PALM2AKAP2: variants seen among roughly 807,000 people sequenced by gnomAD.
The protein encoded by PALM2AKAP2 is PALM2-AKAP2 fusion protein.
In PALM2AKAP2, 37 loss-of-function variants were observed where a neutral mutation model predicts 71.5. That is an observed-to-expected ratio of 0.52 (90% CI 0.40 to 0.68). The LOEUF (loss-of-function observed/expected upper bound fraction) is 0.68. Among genes scored for constraint, PALM2AKAP2 ranks in the 30% least tolerant of loss-of-function variants. The probability of loss-of-function intolerance (pLI) is 0.00; values close to 1 mark genes in which losing one functional copy is unlikely to be tolerated. For synonymous variants in PALM2AKAP2, 468 were observed against 478.8 expected, an observed-to-expected ratio of 0.98 and a Z score of 0.29; for missense variants, 1,224 against 1,191.8, an observed-to-expected ratio of 1.03 and a Z score of -0.40.
intron 1 of PALM2AKAP2, among the ~76,000 whole-genome samples, chr9:109,729,141 A>T (rs534555604): frequency 1.3e-5 from 2 of 152,206 alleles, no homozygotes; most frequent in South Asian, 2.1e-4. Flanking sequence ...TGGTCCCTTT[A>T]TCAAAGATGA....
intron 3 of PALM2AKAP2, among the ~76,000 whole-genome samples, chr9:109,912,312 A>G (rs994439971): frequency 6.6e-6 from 1 of 152,046 alleles, no homozygotes; most frequent in Non-Finnish European, 1.5e-5. Flanking sequence ...ACGTGAGGAA[A>G]AAAAAAAAAG....
intron 1 of PALM2AKAP2, among the ~76,000 whole-genome samples, chr9:110,081,396 C>T (rs916114542): frequency 6.6e-6 from 1 of 152,168 alleles, no homozygotes; most frequent in Non-Finnish European, 1.5e-5. Flanking sequence ...TTTGGAAAGG[C>T]AGGGGTGGGA....
At chr9:110,013,898 T>C (rs1247785574) in intron 6 of PALM2AKAP2, among the ~76,000 whole-genome samples, 2 of 152,230 alleles carry the variant, frequency 1.3e-5, no homozygotes, top group Admixed American at 6.5e-5. Context: ...TACACATCTC[T>C]GGGTTCTTGA....
At chr9:109,748,720 A>G (rs968996520) in intron 1 of PALM2AKAP2, among the ~76,000 whole-genome samples, 2 of 152,174 alleles carry the variant, frequency 1.3e-5, no homozygotes, top group Admixed American at 1.3e-4. Context: ...CTGCCATAAC[A>G]AAGTACCAGA....
At chr9:109,714,042 A>G (rs1205260515) in intron 1 of PALM2AKAP2, among the ~76,000 whole-genome samples, 4 of 152,232 alleles carry the variant, frequency 2.6e-5, no homozygotes, top group African/African-American at 7.2e-5. Context: ...CTGCAGAAAG[A>G]GTCTATTAAT....
At chr9:109,824,942 C>A (rs10759373) in intron 1 of PALM2AKAP2, among the ~76,000 whole-genome samples, 24,031 of 152,172 alleles carry the variant, frequency 0.16, 2,491 homozygotes, top group East Asian at 0.34. Context: ...AGTTACCAGC[C>A]TGTGGAGGAG....
At chr9:110,024,922 G>C (rs909241212) in intron 7 of PALM2AKAP2, 11 of 1,358,800 alleles carry the variant, frequency 8.1e-6, no homozygotes, top group African/African-American at 1.4e-5. Flanking sequence ...AGCAGTTCAG[G>C]CTCCTTCCCA....
chr9:109,718,346 C>G lies in PALM2AKAP2; in HGVS notation c.6-62142C>G, dbSNP rs562886440. ...CCACCTGCCTCGGTCTCCCAAAGTG[C>G]TGGGATTACCATGCCCGGCCCCAGT... On this transcript the variant is annotated intron_variant, in intron 1 of 6. Coordinates refer to the PALM2AKAP2 transcript ENST00000374531. Among the ~76,000 whole-genome samples the G allele has an allele frequency of 3.3e-5, 5 of 152,290 alleles. No individual in the cohort carries two copies. In the East Asian group the frequency reaches 7.7e-4, roughly 23 times the overall value.
At chr9:109,704,496 A>G (rs551839598) in intron 1 of PALM2AKAP2, among the ~76,000 whole-genome samples, 1 of 152,312 alleles carries the variant, frequency 6.6e-6, no homozygotes, top group South Asian at 2.1e-4. Flanking sequence ...AAAGTTTTAG[A>G]GGGAGGATAC....
intron 1 of PALM2AKAP2, among the ~76,000 whole-genome samples, chr9:109,713,724 A>G (rs1182254106): frequency 1.3e-5 from 2 of 152,200 alleles, no homozygotes; most frequent in Admixed American, 6.5e-5. Flanking sequence ...GAAAGACAGT[A>G]AAAAGATCAA....
intron 1 of PALM2AKAP2, among the ~76,000 whole-genome samples, chr9:109,652,498 G>T (rs1564102028): frequency 6.6e-6 from 1 of 152,196 alleles, no homozygotes; most frequent in Non-Finnish European, 1.5e-5. Flanking sequence ...ACAGTCTGCA[G>T]AACTGTGAGC....
chr9:109,650,853 G>A (rs566941194), intron 1 of PALM2AKAP2, among the ~76,000 whole-genome samples: 3 of 152,146 alleles, frequency 2.0e-5, no homozygotes, highest in East Asian at 1.9e-4. Context: ...GTGTTTCTAC[G>A]AAAATAATAT....
chr9:109,906,030 C>T (rs202084735), intron 3 of PALM2AKAP2, among the ~76,000 whole-genome samples: 1 of 58,384 alleles, frequency 1.7e-5, no homozygotes, highest in Non-Finnish European at 5.1e-5. Context: ...GTTGCATTTC[C>T]TTCTTTTCCT....
chr9:109,990,067 CTTTTTTT>C (rs35739397), intron 6 of PALM2AKAP2, among the ~76,000 whole-genome samples: 5 of 134,110 alleles, frequency 3.7e-5, no homozygotes, highest in African/African-American at 8.2e-5. Flanking sequence ...TTCTTTCTTT[CTTTTTTT>C]TTTTTTTTTT....
At chr9:109,730,664 A>C (rs2118658286) in intron 1 of PALM2AKAP2, among the ~76,000 whole-genome samples, 1 of 152,358 alleles carries the variant, frequency 6.6e-6, no homozygotes. Context: ...GTGTCTTAGA[A>C]ACCATTAAAC....
intron 3 of PALM2AKAP2, among the ~76,000 whole-genome samples, chr9:109,883,397 G>C (rs182959345): frequency 1.6e-3 from 246 of 152,236 alleles, no homozygotes; most frequent in African/African-American, 5.8e-3. Flanking sequence ...TCATGACTTT[G>C]GGCCAAATGG....
chr9:110,129,112 G>A (rs747275018), intron 1 of PALM2AKAP2, among the ~76,000 whole-genome samples: 1 of 152,236 alleles, frequency 6.6e-6, no homozygotes, highest in Non-Finnish European at 1.5e-5. Flanking sequence ...GACCAGCCCA[G>A]AGGGTGAAAT....
rs537813256 is a variant in PALM2AKAP2 at position 110,109,666 on chromosome 9, G to A, written c.157-26461G>A. Among the ~76,000 whole-genome samples, 10 of 152,276 alleles carry A rather than the reference G, an allele frequency of 6.6e-5. No homozygotes were observed. The South Asian group carries it at 2.1e-3, about 32-fold the overall frequency. Reference sequence around the variant, plus strand: ...TGGGCAGTCACCAGGAAACTTCAAGGGGGAGCAGGTTTAACCTGAATCCTT... The same window carrying A: ...TGGGCAGTCACCAGGAAACTTCAAGAGGGAGCAGGTTTAACCTGAATCCTT... On this transcript the variant is annotated intron_variant, in intron 1 of 3. Coordinates refer to ENST00000374525, the Ensembl canonical transcript of PALM2AKAP2.
At chr9:110,023,560 CG>C in intron 7 of PALM2AKAP2, among the ~76,000 whole-genome samples, 1 of 151,988 alleles carries the variant, frequency 6.6e-6, no homozygotes, top group Admixed American at 6.5e-5. Context: ...ATGATCCACC[CG>C]CCTCGGCCTC....
Sources: gnomAD v4.1 joint callset for allele counts (sites outside exome capture counted in the v4.1 genomes callset) on GRCh38, gnomAD v4.1.1 for gene constraint, MANE v1.5 for transcripts, NCBI Gene and HGNC (gene_info 2026-07-23, HGNC 2026-07-21) for gene names.